PHIP: variants seen among roughly 807,000 people sequenced by gnomAD.
PHIP encodes the protein PH-interacting protein.
In PHIP, 54 loss-of-function variants were observed where a neutral mutation model predicts 236.8. The ratio of observed to expected loss-of-function variants is 0.23; its 90% CI spans 0.18 to 0.29. The LOEUF is 0.29. Among genes scored for constraint, PHIP ranks in the 10% least tolerant of loss-of-function variants. The pLI is 1.00. For synonymous variants in PHIP, 756 were observed against 718.9 expected (o/e 1.05, Z -0.83); for missense variants, 1,370 against 2,190.8 (o/e 0.63, Z 7.48).
Position 78,954,955 on chromosome 6 carries a change from C to T in PHIP, c.3912G>A (p.Gln1304=). The stretch of plus-strand genomic sequence containing the variant: ...CTCTATTACGTAATCTTCTTCTAGG[C>T]TGATGGTCCTGTGATAAAAGTGTTC... The part of the protein sequence containing the change: ...GTSTRKRKDH[Q]PRRRLRNRAQ... The change falls in exon 35 of 40, where the codon CAG becomes CAA. Residue 1304 remains glutamine (Q), a synonymous_variant. Transcript: ENST00000275034. The T allele has an allele frequency of 6.4e-7, 1 of 1,555,076 alleles. No individual in the cohort carries two copies. Among genetic ancestry groups the T allele is most frequent in the Non-Finnish European group, 8.6e-7 (1 of 1,157,990 alleles).
chr6:79,043,502 G>A lies in PHIP; in HGVS notation c.440-499C>T, dbSNP rs191779319. On this transcript the variant is annotated intron_variant, in intron 6 of 39. Transcript: ENST00000275034. ...ATAACAAGTGAAGATAAAGGAATAC[G>A]TCATTTGCATTATTAAAAAATAATA... Among the ~76,000 whole-genome samples, 32 of 152,156 alleles carry A rather than the reference G, an allele frequency of 2.1e-4. No homozygotes were observed. The East Asian group carries it at 3.9e-3, about 18-fold the overall frequency.
At chr6:78,983,298 T>C (rs1413664459) in intron 22 of PHIP, among the ~76,000 whole-genome samples, 181 bp from the exon 23 acceptor site, 1 of 152,076 alleles carries the variant, frequency 6.6e-6, no homozygotes, top group East Asian at 1.9e-4. Flanking sequence ...TAGGCTTTAC[T>C]TAAATATCGC....
chr6:79,074,962 T>C (rs1463391166), intron 4 of PHIP, among the ~76,000 whole-genome samples: 2 of 152,136 alleles, frequency 1.3e-5, no homozygotes, highest in Non-Finnish European at 1.5e-5. Flanking sequence ...ATTTAAAATA[T>C]TGCTCAGTTT....
At chr6:79,015,450 A>G (rs1770790869) in intron 14 of PHIP, among the ~76,000 whole-genome samples, 180 bp downstream of exon 14, 2 of 151,920 alleles carry the variant, frequency 1.3e-5, no homozygotes, top group South Asian at 2.1e-4. Context: ...TATCTACTAT[A>G]TATTTCCAAG....
chr6:79,035,121 C>G (rs981109597), intron 7 of PHIP, among the ~76,000 whole-genome samples: 2 of 152,192 alleles, frequency 1.3e-5, no homozygotes, highest in East Asian at 1.9e-4. Context: ...AATGAGTTAA[C>G]TGTGCATGCC....
At position 78,997,810 on chromosome 6, in the gene PHIP, T is replaced by C. The variant is rs561091457; in HGVS notation, c.2018-213A>G. Among the ~76,000 whole-genome samples the C allele has an allele frequency of 6.4e-4, 97 of 152,156 alleles. 1 individual carries two copies. Among genetic ancestry groups the C allele is most frequent in the Admixed American group, 1.1e-3 (17 of 15,262 alleles). Reference sequence around the variant, plus strand: ...GTTGATTAGATAAGTCAATGAATCATAACTATAGACTATTAAGCCCCAAGG... The same window carrying C: ...GTTGATTAGATAAGTCAATGAATCACAACTATAGACTATTAAGCCCCAAGG... On this transcript the variant is annotated intron_variant, in intron 18 of 39. Coordinates refer to ENST00000275034, the MANE Select transcript of PHIP (RefSeq NM_017934.7).
At chr6:79,041,656 C>T (rs374066207) in intron 7 of PHIP, among the ~76,000 whole-genome samples, 3 of 151,892 alleles carry the variant, frequency 2.0e-5, no homozygotes, top group African/African-American at 7.3e-5. Flanking sequence ...AATTAATTTT[C>T]GATTACTATT....
chr6:79,066,484 C>G (rs1773626741), intron 4 of PHIP, among the ~76,000 whole-genome samples: 1 of 152,156 alleles, frequency 6.6e-6, no homozygotes, highest in Non-Finnish European at 1.5e-5. Context: ...CCCTACAATT[C>G]ATACTATCAC....
At chr6:79,058,257 T>A (rs1773173484) in intron 6 of PHIP, among the ~76,000 whole-genome samples, 1 of 152,038 alleles carries the variant, frequency 6.6e-6, no homozygotes, top group Non-Finnish European at 1.5e-5. Flanking sequence ...CCCAAGGTAT[T>A]TTTGCCATAC....
At position 78,943,876 on chromosome 6, in the gene PHIP, C is replaced by T. The variant is rs1365123108; in HGVS notation, c.4828+1424G>A. The stretch of plus-strand genomic sequence containing the variant: ...TGGCACACACCTATAATTCCAGCTA[C>T]TTGGGAGGCTGAGGCAGAAGAATTG... On this transcript the variant is annotated intron_variant, in intron 39 of 39. Coordinates refer to ENST00000275034, the MANE Select transcript of PHIP (RefSeq NM_017934.7). 2.0e-5 allele frequency among the ~76,000 whole-genome samples: 3 copies of T among 150,102 alleles called. No homozygotes were observed. In the East Asian group the frequency reaches 5.9e-4, roughly 30 times the overall value.
chr6:79,034,637 T>C (rs1342050422), intron 7 of PHIP, among the ~76,000 whole-genome samples: 1 of 152,208 alleles, frequency 6.6e-6, no homozygotes, highest in East Asian at 1.9e-4. Context: ...TAGAGCTCTT[T>C]CTGGTATGGC....
chr6:79,003,892 C>A (rs1244113159), intron 15 of PHIP, 34 bp from the exon 16 acceptor site: 1 of 1,466,544 alleles, frequency 6.8e-7, no homozygotes, highest in Non-Finnish European at 9.3e-7. Flanking sequence ...AAGAAAACTA[C>A]CATTAAAATG....
chr6:78,992,008 C>G (rs954561430), intron 19 of PHIP, among the ~76,000 whole-genome samples: 1 of 148,986 alleles, frequency 6.7e-6, no homozygotes, highest in East Asian at 2.0e-4. Context: ...GTCGCCCAGG[C>G]TGGAGTGCAG....
intron 17 of PHIP, among the ~76,000 whole-genome samples, chr6:79,001,118 C>G (rs1468369752): frequency 6.6e-6 from 1 of 152,014 alleles, no homozygotes; most frequent in Non-Finnish European, 1.5e-5. Flanking sequence ...AAAATATTTT[C>G]ATAAATATTT....
At chr6:78,960,920 G>A (rs2127697310) in intron 31 of PHIP, among the ~76,000 whole-genome samples, 1 of 152,150 alleles carries the variant, frequency 6.6e-6, no homozygotes, top group East Asian at 1.9e-4. Context: ...TAACGGAAAG[G>A]ACTTCAGTAA....
intron 20 of PHIP, among the ~76,000 whole-genome samples, chr6:78,989,691 C>G (rs576229425): frequency 6.6e-6 from 1 of 152,058 alleles, no homozygotes; most frequent in East Asian, 1.9e-4. Flanking sequence ...CTTAAAAAGT[C>G]CTCAAAGTAC....
At chr6:78,999,246 A>G (rs190623017) in intron 17 of PHIP, among the ~76,000 whole-genome samples, 22 of 152,258 alleles carry the variant, frequency 1.4e-4, no homozygotes, top group Non-Finnish European at 2.8e-4. Flanking sequence ...CTAAAAAGTA[A>G]ACACCTTCAT....
At chr6:79,070,141 GACA>G (rs1408853016) in intron 4 of PHIP, among the ~76,000 whole-genome samples, 3 of 152,026 alleles carry the variant, frequency 2.0e-5, no homozygotes, top group Non-Finnish European at 2.9e-5. Context: ...ACAACAAAAT[GACA>G]ACATTTAACT....
chr6:79,069,375 A>C (rs1773781340), intron 4 of PHIP, among the ~76,000 whole-genome samples: 1 of 151,860 alleles, frequency 6.6e-6, no homozygotes, highest in Non-Finnish European at 1.5e-5. Flanking sequence ...GCATTTTCTG[A>C]TTTTTTAACT....
Sources: allele counts gnomAD v4.1 joint callset (sites outside exome capture counted in the v4.1 genomes callset), GRCh38; gene constraint gnomAD v4.1.1; transcripts MANE v1.5; gene names NCBI Gene and HGNC (gene_info 2026-07-23, HGNC 2026-07-21).